The following HIBADH variants were observed in gnomAD, a reference collection of about 807,000 sequenced individuals.
The protein encoded by HIBADH is 3-hydroxyisobutyrate dehydrogenase.
Under a neutral mutation model 36.1 loss-of-function variants are expected in HIBADH, and 25 were observed. That is an observed-to-expected ratio of 0.69 (90% CI 0.50 to 0.97). The LOEUF (loss-of-function observed/expected upper bound fraction) is 0.97, where lower values mean the gene tolerates loss of function less well. Ranked by LOEUF, HIBADH falls within the 50% of genes least tolerant of loss-of-function variation. The pLI is 0.00. For synonymous variants in HIBADH, 160 were observed against 149.5 expected, an observed-to-expected ratio of 1.07 and a Z score of -0.51; for missense variants, 421 against 418.0, an observed-to-expected ratio of 1.01 and a Z score of -0.06.
At chr7:27,658,246 A>G (rs1786343334) in intron 1 of HIBADH, among the ~76,000 whole-genome samples, 2 of 152,222 alleles carry the variant, frequency 1.3e-5, no homozygotes, top group Admixed American at 6.5e-5. Context: ...TCTTTAAATA[A>G]CTTCTGACAG....
chr7:27,532,041 T>A (rs964050655), intron 6 of HIBADH, among the ~76,000 whole-genome samples: 2 of 152,194 alleles, frequency 1.3e-5, no homozygotes, highest in Non-Finnish European at 2.9e-5. Context: ...GGTCAACTGC[T>A]GATAAGGTTA....
intron 4 of HIBADH, among the ~76,000 whole-genome samples, chr7:27,625,144 C>T (rs1265785033): frequency 6.6e-6 from 1 of 152,162 alleles, no homozygotes; most frequent in African/African-American, 2.4e-5. Context: ...AATGGGTGAG[C>T]AGGGGCTGAC....
chr7:27,647,683 C>T, intron 2 of HIBADH: 2 of 405,084 alleles, frequency 4.9e-6, no homozygotes, highest in East Asian at 7.6e-5. Context: ...CTAAAATTAG[C>T]AACACTAAAG....
intron 4 of HIBADH, among the ~76,000 whole-genome samples, chr7:27,600,062 T>TA (rs1785102988): frequency 6.6e-6 from 1 of 152,136 alleles, no homozygotes; most frequent in Admixed American, 6.5e-5. Flanking sequence ...TTCTCTCCCT[T>TA]AAACAACAAA....
chr7:27,623,237 T>G (rs923024220), intron 4 of HIBADH, among the ~76,000 whole-genome samples: 1 of 152,078 alleles, frequency 6.6e-6, no homozygotes, highest in Non-Finnish European at 1.5e-5. Context: ...AAACTAGGCA[T>G]AGAAGGAACA....
chr7:27,573,843 T>C (rs1462888852), intron 4 of HIBADH, among the ~76,000 whole-genome samples: 1 of 152,234 alleles, frequency 6.6e-6, no homozygotes, highest in Non-Finnish European at 1.5e-5. Context: ...AATTTTATAT[T>C]GATTACATGT....
At chr7:27,617,101 A>C (rs1174805125) in intron 4 of HIBADH, among the ~76,000 whole-genome samples, 1 of 127,612 alleles carries the variant, frequency 7.8e-6, no homozygotes, top group Non-Finnish European at 1.7e-5. Context: ...CATCCAGAGC[A>C]ATTTCCAGAC....
chr7:27,579,259 A>C (rs1784757289), intron 4 of HIBADH, among the ~76,000 whole-genome samples: 2 of 152,210 alleles, frequency 1.3e-5, no homozygotes, highest in Non-Finnish European at 2.9e-5. Flanking sequence ...ATATATACTA[A>C]AAGTATTTAA....
chr7:27,549,826 A>C (rs1784291916), intron 4 of HIBADH, among the ~76,000 whole-genome samples: 1 of 152,348 alleles, frequency 6.6e-6, no homozygotes, highest in Non-Finnish European at 1.5e-5. Flanking sequence ...TAAGAATGAA[A>C]ACAGGCTCAA....
At chr7:27,544,343 T>C (rs1405102207) in intron 4 of HIBADH, among the ~76,000 whole-genome samples, 1 of 152,236 alleles carries the variant, frequency 6.6e-6, no homozygotes, top group Non-Finnish European at 1.5e-5. Context: ...GTCAGCATTA[T>C]GCTAGCCAAA....
At chr7:27,632,283 G>T in intron 3 of HIBADH, 53 bp downstream of exon 3, 1 of 1,179,612 alleles carries the variant, frequency 8.5e-7, no homozygotes, top group Non-Finnish European at 1.3e-6. Context: ...TCTAACATGT[G>T]AAATTCATGA....
chr7:27,652,498 A>C (rs978202807), intron 1 of HIBADH, among the ~76,000 whole-genome samples: 3 of 152,240 alleles, frequency 2.0e-5, no homozygotes, highest in Non-Finnish European at 4.4e-5. Context: ...GGAGGCAAGA[A>C]GACCAATATA....
At chr7:27,553,856 CTATT>C (rs972862341) in intron 4 of HIBADH, among the ~76,000 whole-genome samples, 5 of 152,068 alleles carry the variant, frequency 3.3e-5, no homozygotes, top group Admixed American at 6.6e-5. Flanking sequence ...TTTATTTTTA[CTATT>C]TATTTGAGAT....
At chr7:27,609,796 AAAGT>A (rs1276285923) in intron 4 of HIBADH, among the ~76,000 whole-genome samples, 2 of 152,076 alleles carry the variant, frequency 1.3e-5, no homozygotes, top group Admixed American at 6.6e-5. Context: ...TGCTAATTAA[AAAGT>A]AAGTTTTTAA....
chr7:27,607,099 T>C (rs1401650912), intron 4 of HIBADH, among the ~76,000 whole-genome samples: 1 of 152,220 alleles, frequency 6.6e-6, no homozygotes, highest in Non-Finnish European at 1.5e-5. Flanking sequence ...GGATTTAAGA[T>C]GTAAATGCCG....
chr7:27,619,738 A>G (rs1224806293), intron 4 of HIBADH, among the ~76,000 whole-genome samples: 5 of 152,234 alleles, frequency 3.3e-5, no homozygotes, highest in African/African-American at 1.2e-4. Context: ...GAACTTGAAG[A>G]TAGATTTTTT....
chr7:27,550,885 AC>A (rs1473826140), intron 4 of HIBADH, among the ~76,000 whole-genome samples: 2 of 152,174 alleles, frequency 1.3e-5, no homozygotes, highest in Middle Eastern at 3.2e-3. Context: ...ACTCATTAAG[AC>A]TTAATATTTT....
At position 27,599,464 on chromosome 7, in the gene HIBADH, C is replaced by T. The variant is rs370088328; in HGVS notation, c.484+29907G>A. Among the ~76,000 whole-genome samples, 12 of 151,896 alleles carry T rather than the reference C, an allele frequency of 7.9e-5. No individual in the cohort carries two copies. In the South Asian group the frequency reaches 1.0e-3, roughly 13 times the overall value. On this transcript the variant is annotated intron_variant, in intron 4 of 7. Coordinates refer to ENST00000265395, the MANE Select transcript of HIBADH (RefSeq NM_152740.4). Reference sequence around the variant, plus strand: ...TTGGGAGGCCGAGGCGGGCTGATCACGAGGTCAGGAGATCGAGACGATCCT... The same window carrying T: ...TTGGGAGGCCGAGGCGGGCTGATCATGAGGTCAGGAGATCGAGACGATCCT...
chr7:27,661,983 CT>C (rs755489379), intron 1 of HIBADH, among the ~76,000 whole-genome samples: 6 of 152,142 alleles, frequency 3.9e-5, no homozygotes, highest in Non-Finnish European at 7.3e-5. Flanking sequence ...TAAAAACTGC[CT>C]CTTTGTAAGT....
Sources: gnomAD v4.1 joint callset for allele counts (sites outside exome capture counted in the v4.1 genomes callset) on GRCh38, gnomAD v4.1.1 for gene constraint, MANE v1.5 for transcripts, NCBI Gene and HGNC (gene_info 2026-07-23, HGNC 2026-07-21) for gene names.